NUMB: variants seen among roughly 807,000 people sequenced by gnomAD.
The protein encoded by NUMB is NUMB endocytic adaptor protein.
A neutral mutation model predicts 59.7 loss-of-function variants in NUMB; 29 were observed. That is an observed-to-expected ratio of 0.49 (90% confidence interval 0.36 to 0.66). The LOEUF is 0.66. Among genes scored for constraint, NUMB ranks in the 30% least tolerant of loss-of-function variants. NUMB has a pLI of 0.00. For missense variants in NUMB, 723 were observed against 822.0 expected (o/e 0.88, Z 1.47); for synonymous variants, 288 against 288.2 (o/e 1.00, Z 0.01).
Position 73,279,271 on chromosome 14 carries a change from G to C in NUMB, c.1240+10C>G. The C allele has an allele frequency of 1.2e-6, 2 of 1,614,130 alleles. No homozygotes were observed. Among genetic ancestry groups the C allele is most frequent in the Non-Finnish European group, 1.7e-6 (2 of 1,179,982 alleles). On this transcript the variant is annotated intron_variant, in intron 12 of 12. Coordinates refer to ENST00000555238, the MANE Select transcript of NUMB (RefSeq NM_001005743.2). ...CCCAGAATCCTCAACACCATCTGTG[G>C]CCACCTTACCCGAACATGTGGCTGC...
At chr14:73,339,888 G>A (rs1892539427) in intron 4 of NUMB, among the ~76,000 whole-genome samples, 1 of 152,130 alleles carries the variant, frequency 6.6e-6, no homozygotes, top group Non-Finnish European at 1.5e-5. Flanking sequence ...CCTTCACAGG[G>A]CAGGCTCCAG....
rs192439812 is a variant in NUMB, at chr14:73,360,178, G to A, written c.-15-4412C>T. Among the ~76,000 whole-genome samples, 3 of 152,312 alleles carry A rather than the reference G, an allele frequency of 2.0e-5. No homozygotes were observed. The East Asian group carries it at 5.8e-4, about 29-fold the overall frequency. On this transcript the variant is annotated intron_variant, in intron 3 of 12. Transcript: ENST00000555238. The stretch of plus-strand genomic sequence containing the variant: ...CTCTCACTATTCAGTGAGTCAGTAT[G>A]GCATAATAATTCACACTGCTCAAGA...
At chr14:73,405,675 A>C (rs1896625243) in intron 2 of NUMB, among the ~76,000 whole-genome samples, 1 of 152,064 alleles carries the variant, frequency 6.6e-6, no homozygotes, top group Non-Finnish European at 1.5e-5. Context: ...CAACAACAGA[A>C]GAATCTGGGA....
At chr14:73,457,774 T>A (rs1280011237) in intron 1 of NUMB, 1 of 152,604 alleles carries the variant, frequency 6.6e-6, no homozygotes, top group Admixed American at 6.5e-5. Context: ...CCCCAGGCGG[T>A]GCAAGATCTC....
At chr14:73,278,721 C>CTT (rs35813203) in intron 12 of NUMB, among the ~76,000 whole-genome samples, 10,040 of 58,154 alleles carry the variant, frequency 0.17, 1,430 homozygotes, top group Non-Finnish European at 0.23. Flanking sequence ...GCCCTGGAAT[C>CTT]TTTTTTTTTT....
At chr14:73,345,265 T>C (rs1032105282) in intron 4 of NUMB, among the ~76,000 whole-genome samples, 2 of 152,190 alleles carry the variant, frequency 1.3e-5, no homozygotes, top group Non-Finnish European at 2.9e-5. Flanking sequence ...AAATATCTCA[T>C]GTTCTCACTT....
intron 3 of NUMB, among the ~76,000 whole-genome samples, chr14:73,366,013 T>C (rs1269341332): frequency 1.3e-5 from 2 of 152,234 alleles, no homozygotes; most frequent in Non-Finnish European, 2.9e-5. Context: ...ATGTAATACA[T>C]GAGGTTTTGG....
chr14:73,378,944 G>A (rs1280345320), intron 2 of NUMB, among the ~76,000 whole-genome samples: 1 of 152,196 alleles, frequency 6.6e-6, no homozygotes, highest in East Asian at 1.9e-4. Flanking sequence ...TGGGGAGGTT[G>A]TGCCTATATT....
At chr14:73,290,171 A>C (rs971108429) in intron 8 of NUMB, among the ~76,000 whole-genome samples, 1 of 152,198 alleles carries the variant, frequency 6.6e-6, no homozygotes, top group Non-Finnish European at 1.5e-5. Context: ...CCAGATTTTT[A>C]AAGTGTAGTG....
rs55831976 is a variant in NUMB, at chr14:73,390,638, C to CTTTTTTTTTTTTTTTTTTTT, written c.-101+19279_-101+19298dup. Among the ~76,000 whole-genome samples the CTTTTTTTTTTTTTTTTTTTT allele has an allele frequency of 1.0e-4, 4 of 39,410 alleles. 1 individual carries two copies. Among genetic ancestry groups the CTTTTTTTTTTTTTTTTTTTT allele is most frequent in the Non-Finnish European group, 1.9e-4 (4 of 21,178 alleles). 25.9% of individuals were successfully genotyped at this position (39,410 alleles called of 152,430 possible). On this transcript the variant is annotated intron_variant, in intron 2 of 12. Coordinates refer to ENST00000555238, the MANE Select transcript of NUMB (RefSeq NM_001005743.2). Reference sequence around the variant, plus strand: ...ATTTCCTTGAGGACAAAAACAAAGTCTTTTTTTTTTTTTTTTTTTTTTTTT... The same window carrying CTTTTTTTTTTTTTTTTTTTT: ...ATTTCCTTGAGGACAAAAACAAAGTCTTTTTTTTTTTTTTTTTTTTTTTTTTTTTTTTTTTTTTTTTTTTT...
Position 73,277,260 on chromosome 14 carries a change from G to A in NUMB, c.1274C>T (p.Ser425Phe), listed in dbSNP as rs1420904443. 2.5e-6 allele frequency: 4 copies of A among 1,605,900 alleles called. No individual in the cohort carries two copies. The highest frequency in any genetic ancestry group is 1.3e-5 in the African/African-American group (1 of 74,756). Residue 425 changes from serine (S) to phenylalanine (F), a missense_variant, in exon 13 of 13, where the codon TCT (serine) becomes TTT (phenylalanine). Ser to Phe is a radical substitution (Grantham distance 155). Transcript: ENST00000555238. The part of the protein sequence containing the change: ...TEWGQSSGAA[S>F]PGLFQAGHRR... ...ATGACCGGCCTGGAAGAGACCTGGAGAGGCAGCACCAGAAGATTGACCCCA... is the reference window on the plus strand; with the variant it reads ...ATGACCGGCCTGGAAGAGACCTGGAAAGGCAGCACCAGAAGATTGACCCCA...
rs531999003 is a variant in NUMB at position 73,408,427 on chromosome 14, A to G, written c.-101+1510T>C. On this transcript the variant is annotated intron_variant, in intron 2 of 12. Coordinates refer to ENST00000555238, the MANE Select transcript of NUMB (RefSeq NM_001005743.2). ...CCCAAATAATTATCAAATTATTCAA[A>G]CAAACAAGAAAAAAAAAGACCCAAG... Among the ~76,000 whole-genome samples, 5 of 152,248 alleles carry G rather than the reference A, an allele frequency of 3.3e-5. No homozygotes were observed. In the East Asian group the frequency reaches 9.6e-4, roughly 29 times the overall value.
At chr14:73,400,685 G>A (rs1272553438) in intron 2 of NUMB, among the ~76,000 whole-genome samples, 1 of 152,200 alleles carries the variant, frequency 6.6e-6, no homozygotes, top group Non-Finnish European at 1.5e-5. Context: ...GAGCTGAAGG[G>A]TAAGCTGATT....
chr14:73,341,758 T>G (rs538912589), intron 4 of NUMB, among the ~76,000 whole-genome samples: 1 of 152,316 alleles, frequency 6.6e-6, no homozygotes, highest in African/African-American at 2.4e-5. Flanking sequence ...AAAAATATTT[T>G]AAAGTTTAAA....
chr14:73,369,649 TAAC>T (rs911976255), intron 2 of NUMB, among the ~76,000 whole-genome samples: 2 of 152,180 alleles, frequency 1.3e-5, no homozygotes, highest in African/African-American at 4.8e-5. Flanking sequence ...AAGAGGAACT[TAAC>T]AAATGCATTT....
intron 2 of NUMB, among the ~76,000 whole-genome samples, chr14:73,375,681 A>G (rs1033506968): frequency 6.6e-6 from 1 of 152,212 alleles, no homozygotes; most frequent in Admixed American, 6.5e-5. Context: ...GCAAATTGAA[A>G]ACAGAACATA....
At chr14:73,285,561 GC>G (rs1229774172) in intron 9 of NUMB, 1 of 151,958 alleles carries the variant, frequency 6.6e-6, no homozygotes, top group Non-Finnish European at 1.5e-5. Context: ...AAATATGTAT[GC>G]TTTTTTTTTG....
chr14:73,380,682 T>A (rs1479492790), intron 2 of NUMB, among the ~76,000 whole-genome samples: 1 of 151,886 alleles, frequency 6.6e-6, no homozygotes, highest in Non-Finnish European at 1.5e-5. Flanking sequence ...TGTATGATAA[T>A]ACTAATAAGC....
chr14:73,336,511 T>C (rs1892324752), intron 4 of NUMB, among the ~76,000 whole-genome samples: 1 of 152,144 alleles, frequency 6.6e-6, no homozygotes, highest in African/African-American at 2.4e-5. Context: ...TTAAACAAAA[T>C]GAGTTTTGGG....
Sources: allele counts gnomAD v4.1 joint callset (sites outside exome capture counted in the v4.1 genomes callset), GRCh38; gene constraint gnomAD v4.1.1; transcripts MANE v1.5; gene names NCBI Gene and HGNC (gene_info 2026-07-23, HGNC 2026-07-21).